ZNF28: variants seen among roughly 807,000 people sequenced by gnomAD.
ZNF28 encodes zinc finger protein KOX24.
In ZNF28, 5 loss-of-function variants were observed where a neutral mutation model predicts 7.2. The ratio of observed to expected loss-of-function variants is 0.70; its 90% CI spans 0.36 to 1.46. The LOEUF is 1.46. Among genes scored for constraint, ZNF28 ranks in the 40% most tolerant of loss-of-function variants. The pLI is 0.03. For synonymous variants in ZNF28, 288 were observed against 292.4 expected (o/e 0.99, Z 0.15); for missense variants, 879 against 866.6 (o/e 1.01, Z -0.18).
rs1324219236 is a variant in ZNF28 at position 52,819,494 on chromosome 19, C to G, written c.-73-1463G>C. Among the ~76,000 whole-genome samples, 4 of 84,368 alleles carry G rather than the reference C, an allele frequency of 4.7e-5. 1 individual carries two copies. Among genetic ancestry groups the G allele is most frequent in the African/African-American group, 1.7e-4 (4 of 22,876 alleles). 55.3% of individuals were successfully genotyped at this position (84,368 alleles called of 152,430 possible). ...CAGAAAAAAAGCCACACCCAGACACCCACTCTATTTTGCCAATCATTTCAG... is the reference window on the plus strand; with the variant it reads ...CAGAAAAAAAGCCACACCCAGACACGCACTCTATTTTGCCAATCATTTCAG... On this transcript the variant is annotated intron_variant, in intron 1 of 3. Transcript: ENST00000457749.
At chr19:52,809,533 C>T (rs183098950) in intron 2 of ZNF28, among the ~76,000 whole-genome samples, 20 of 152,228 alleles carry the variant, frequency 1.3e-4, no homozygotes, top group East Asian at 3.9e-4. Flanking sequence ...ATGGGCCTGG[C>T]GCGGTGGCTC....
Position 52,797,444 on chromosome 19 carries a change from A to G in ZNF28, c.*2244T>C, listed in dbSNP as rs938618142. 6.6e-5 allele frequency: 10 copies of G among 152,262 alleles called. No homozygotes were observed. The highest frequency in any genetic ancestry group is 2.2e-4 in the African/African-American group (9 of 41,472). The allele number at this position is 152,262 out of a possible 1,614,324, so 9.4% of individuals were successfully genotyped here. A position where few individuals can be genotyped will look rare whatever the true frequency, so the allele number is the denominator to read the frequency against. On this transcript the variant is annotated 3_prime_UTR_variant, in exon 4 of 4. Coordinates refer to ENST00000457749, the MANE Select transcript of ZNF28 (RefSeq NM_006969.5). Reference sequence around the variant, plus strand: ...GAAGTCAAATTTTATTTGTTTGTAGATGACATGATCTGTGAAGAAAATCAC... The same window carrying G: ...GAAGTCAAATTTTATTTGTTTGTAGGTGACATGATCTGTGAAGAAAATCAC...
chr19:52,817,110 C>A (rs142080525), intron 2 of ZNF28, among the ~76,000 whole-genome samples: 5,882 of 151,900 alleles, frequency 0.039, 133 homozygotes, highest in Middle Eastern at 0.068. Flanking sequence ...CGGTGGCTCA[C>A]GCTTGTAATC....
intron 3 of ZNF28, chr19:52,805,649 A>AATAAATAC (rs2062928400): frequency 6.7e-6 from 1 of 150,360 alleles, no homozygotes; most frequent in African/African-American, 2.4e-5. Context: ...AATAAAAATA[A>AATAAATAC]ATAAATAAAT....
chr19:52,813,103 CTTTA>C (rs1223128959), intron 2 of ZNF28, among the ~76,000 whole-genome samples: 1 of 151,996 alleles, frequency 6.6e-6, no homozygotes, highest in South Asian at 2.1e-4. Flanking sequence ...TTGGTTAATG[CTTTA>C]TTGTCACTAT....
chr19:52,800,240 T>C lies in ZNF28; in HGVS notation c.1605A>G (p.Lys535=), dbSNP rs1329607109. 2 of 1,613,368 alleles carry C rather than the reference T, an allele frequency of 1.2e-6. No homozygotes were observed. The highest frequency in any genetic ancestry group is 1.7e-6 in the Non-Finnish European group (2 of 1,179,816). Residue 535 remains lysine (K), a synonymous_variant, in exon 4 of 4, where the codon AAA becomes AAG. Coordinates refer to ENST00000457749, the MANE Select transcript of ZNF28 (RefSeq NM_006969.5). ...GTTTATGATGACATGCAAGGTTTGC[T>C]TTTGTACTAAAAACCTTGCCACATT... ...CNECGKVFST[K]ANLACHHKLH...
In ZNF28 at chr19:52,801,096, T is replaced by G. The variant is rs140275884; in HGVS notation, c.749A>C (p.Lys250Thr). Reference protein sequence around the residue: ...EKQCKCDVYGKVFNQKRYLAC... With the variant: ...EKQCKCDVYGTVFNQKRYLAC... ...AAGGTATCGCTTCTGATTAAATACC[T>G]TGCCATATACATCACATTTACATTG... The change falls in exon 4 of 4, where the codon AAG becomes ACG. Residue 250 changes from lysine (K) to threonine (T), a missense_variant. Lys to Thr is a moderately conservative substitution (Grantham distance 78). Transcript: ENST00000457749. The G allele has an allele frequency of 1.1e-5, 17 of 1,614,194 alleles. No individual in the cohort carries two copies. The African/African-American group carries it at 1.6e-4, about 15-fold the overall frequency.
chr19:52,798,481 A>C lies in ZNF28; in HGVS notation c.*1207T>G. On this transcript the variant is annotated 3_prime_UTR_variant, in exon 4 of 4. Transcript: ENST00000457749. ...ATTGTCTGATGGTCTGCAAGGAGTGATCTCGGACTGAAGACCTTACCACAC... is the reference window on the plus strand; with the variant it reads ...ATTGTCTGATGGTCTGCAAGGAGTGCTCTCGGACTGAAGACCTTACCACAC... 1 of 488,120 alleles carries C rather than the reference A, an allele frequency of 2.0e-6. No homozygotes were observed. The highest frequency in any genetic ancestry group is 4.2e-6 in the Non-Finnish European group (1 of 240,860). 30.2% of individuals were successfully genotyped at this position (488,120 alleles called of 1,614,324 possible).
intron 2 of ZNF28, chr19:52,810,643 A>C: frequency 7.7e-7 from 1 of 1,299,996 alleles, no homozygotes; most frequent in South Asian, 1.2e-5. Flanking sequence ...TGGTTTTAAC[A>C]GCAGGCTCTG....
In ZNF28 at chr19:52,820,438, C is replaced by T. The variant is rs932473001; in HGVS notation, c.-74+1148G>A. On this transcript the variant is annotated intron_variant, in intron 1 of 3. Coordinates refer to ENST00000457749, the MANE Select transcript of ZNF28 (RefSeq NM_006969.5). ...GGCCCTTATTTAACCTCTTGTTGGT[C>T]CTTCTCCCCAATCTTTAGATCGTCC... Among the ~76,000 whole-genome samples the T allele has an allele frequency of 3.3e-5, 5 of 151,322 alleles. 1 individual carries two copies. The highest frequency in any genetic ancestry group is 7.4e-5 in the Non-Finnish European group (5 of 67,982).
At chr19:52,816,029 C>T (rs2063120119) in intron 2 of ZNF28, among the ~76,000 whole-genome samples, 2 of 146,668 alleles carry the variant, frequency 1.4e-5, no homozygotes, top group African/African-American at 2.6e-5. Context: ...CAGAAATACA[C>T]GTGTACGAGA....
At position 52,798,096 on chromosome 19, in the gene ZNF28, TG is replaced by T. The variant is rs1286768223; in HGVS notation, c.*1591del. 2 of 156,290 alleles carry T rather than the reference TG, an allele frequency of 1.3e-5. No homozygotes were observed. The highest frequency in any genetic ancestry group is 3.8e-4 in the East Asian group (2 of 5,268). The allele number at this position is 156,290 out of a possible 1,614,324, so 9.7% of individuals were successfully genotyped here. A position where few individuals can be genotyped will look rare whatever the true frequency, so the allele number is the denominator to read the frequency against. On this transcript the variant is annotated 3_prime_UTR_variant, in exon 4 of 4. Coordinates refer to ENST00000457749, the MANE Select transcript of ZNF28 (RefSeq NM_006969.5). ...AAGATCATGCCACTGCACTCCAACC[TG>T]GATGACAGAGCAAGAGACTCCATCT...
intron 2 of ZNF28, among the ~76,000 whole-genome samples, chr19:52,815,625 C>T (rs2063113701): frequency 6.8e-6 from 1 of 146,426 alleles, no homozygotes; most frequent in African/African-American, 2.7e-5. Flanking sequence ...GAGATCGAGA[C>T]CATCCTGGCT....
Position 52,799,851 on chromosome 19 carries a change from C to G in ZNF28, c.1994G>C (p.Cys665Ser), listed in dbSNP as rs373555087. Residue 665 changes from cysteine (C) to serine (S), a missense_variant, in exon 4 of 4, where the codon TGT becomes TCT. By Grantham distance (112) the Cys-to-Ser change is moderately radical. Transcript: ENST00000457749. The part of the protein sequence containing the change: ...RLHSGEKPYK[C>S]NECGKVFNQQ... ...ATTAAAAACCTTGCCACATTCATTA[C>G]ACTTGTAAGGTTTCTCTCCACTATG... 6.2e-7 allele frequency: 1 copy of G among 1,613,972 alleles called. No individual in the cohort carries two copies. Among genetic ancestry groups the G allele is most frequent in the South Asian group, 1.1e-5 (1 of 91,084 alleles).
chr19:52,810,082 G>T, intron 2 of ZNF28: 1 of 767,068 alleles, frequency 1.3e-6, no homozygotes, highest in East Asian at 2.6e-5. Context: ...CCTGGGCCTC[G>T]TTCAGGAGCC....
rs1405961515 is a variant in ZNF28 at position 52,798,458 on chromosome 19, T to C, written c.*1230A>G. 4.5e-6 allele frequency: 2 copies of C among 446,830 alleles called. No individual in the cohort carries two copies. Among genetic ancestry groups the C allele is most frequent in the Non-Finnish European group, 8.9e-6 (2 of 224,796 alleles). The allele number at this position is 446,830 out of a possible 1,614,324, so 27.7% of individuals were successfully genotyped here. On this transcript the variant is annotated 3_prime_UTR_variant, in exon 4 of 4. Transcript: ENST00000457749. ...TGAAACAACTGTCTCCAAAAGGAAT[T>C]GTCTGATGGTCTGCAAGGAGTGATC...
chr19:52,821,094 T>C (rs74882957), intron 1 of ZNF28, among the ~76,000 whole-genome samples: 7,379 of 123,422 alleles, frequency 0.06, 129 homozygotes, highest in East Asian at 0.18. Context: ...GGAGGGGAGA[T>C]CTGGGGAGCA....
chr19:52,813,315 G>A (rs1009605848), intron 2 of ZNF28, among the ~76,000 whole-genome samples: 6 of 141,360 alleles, frequency 4.2e-5, no homozygotes, highest in Non-Finnish European at 7.6e-5. Context: ...AACTGCTGAG[G>A]AGGGACCTGT....
intron 3 of ZNF28, chr19:52,805,994 G>T (rs2062932567): frequency 6.6e-6 from 1 of 151,854 alleles, no homozygotes; most frequent in Non-Finnish European, 1.5e-5. Context: ...AATACATAAA[G>T]TAATTAATTA....
Sources: gnomAD v4.1 joint callset for allele counts (sites outside exome capture counted in the v4.1 genomes callset) on GRCh38, gnomAD v4.1.1 for gene constraint, MANE v1.5 for transcripts, NCBI Gene and HGNC (gene_info 2026-07-23, HGNC 2026-07-21) for gene names.